Variants in FAM186A observed in about 807,000 individuals in gnomAD.
FAM186A encodes the protein family with sequence similarity 186 member A.
Under a neutral mutation model 216.8 loss-of-function variants are expected in FAM186A, and 163 were observed. The ratio of observed to expected loss-of-function variants is 0.75; its 90% confidence interval spans 0.66 to 0.86. The LOEUF (loss-of-function observed/expected upper bound fraction) is 0.86, where lower values mean the gene tolerates loss of function less well. FAM186A is among the 40% of genes least tolerant of loss of function. The pLI, the probability that FAM186A is intolerant of heterozygous loss-of-function variation, is 0.00. For synonymous variants in FAM186A, 805 were observed against 1,025.3 expected, an observed-to-expected ratio of 0.79 and a Z score of 4.10; for missense variants, 2,184 against 2,746.2, an observed-to-expected ratio of 0.80 and a Z score of 4.58.
intron 4 of FAM186A, among the ~76,000 whole-genome samples, chr12:50,336,932 T>G (rs1942714422): frequency 6.6e-6 from 1 of 151,842 alleles, no homozygotes; most frequent in Non-Finnish European, 1.5e-5. Context: ...TCAGTGAGAT[T>G]TACCTGAGAT....
chr12:50,328,838 G>A lies in FAM186A; in HGVS notation c.7035-1434C>T, dbSNP rs186990320. On this transcript the variant is annotated intron_variant, in intron 7 of 7. Transcript: ENST00000327337. ...GTAGGTTTTAAAACATGTCCAGGCC[G>A]GGCACGGTGGCTCACGCCTGTAATC... Among the ~76,000 whole-genome samples, 298 of 152,302 alleles carry A rather than the reference G, an allele frequency of 2.0e-3. 1 individual carries two copies. The highest frequency in any genetic ancestry group is 6.4e-3 in the African/African-American group (268 of 41,580).
intron 1 of FAM186A, among the ~76,000 whole-genome samples, chr12:50,385,762 C>A (rs1006200632): frequency 6.6e-6 from 1 of 151,716 alleles, no homozygotes. Flanking sequence ...CTTAGCCAGG[C>A]GTGGTGGCAG....
In FAM186A at chr12:50,337,289, C is replaced by CTT. The variant is rs71441358; in HGVS notation, c.6504-3188_6504-3187dup. ...GTTGGATGTAGTTTTAGAGATAATT[C>CTT]TTTTTTTTTTTTTTTTTTTTTTTTA... On this transcript the variant is annotated intron_variant, in intron 4 of 7. Coordinates refer to ENST00000327337, the MANE Select transcript of FAM186A (RefSeq NM_001145475.3). Among the ~76,000 whole-genome samples the CTT allele has an allele frequency of 8.4e-3, 582 of 69,632 alleles. 39 individuals are homozygous for CTT. The highest frequency in any genetic ancestry group is 0.022 in the African/African-American group (363 of 16,594). 45.7% of individuals were successfully genotyped at this position (69,632 alleles called of 152,430 possible).
At chr12:50,358,301 C>T (rs970812877) in intron 3 of FAM186A, among the ~76,000 whole-genome samples, 1 of 152,076 alleles carries the variant, frequency 6.6e-6, no homozygotes, top group African/African-American at 2.4e-5. Context: ...TTATATCCAG[C>T]GAGGTGTGGT....
At chr12:50,343,826 G>T (rs1264384817) in intron 4 of FAM186A, among the ~76,000 whole-genome samples, 1 of 151,896 alleles carries the variant, frequency 6.6e-6, no homozygotes, top group Non-Finnish European at 1.5e-5. Flanking sequence ...CACTGTGTTA[G>T]CCAGGATAGT....
intron 1 of FAM186A, among the ~76,000 whole-genome samples, chr12:50,394,732 C>CTTTTTTTTTTTTTT (rs71083561): frequency 0.077 from 2,260 of 29,396 alleles, 452 homozygotes; most frequent in East Asian, 0.087. Flanking sequence ...GGCTAACACT[C>CTTTTTTTTTTTTTT]TTTTTTTTTT....
intron 4 of FAM186A, among the ~76,000 whole-genome samples, chr12:50,339,232 G>A (rs998922357): frequency 4.6e-5 from 7 of 152,122 alleles, no homozygotes; most frequent in African/African-American, 1.4e-4. Flanking sequence ...GCCCAGGCTG[G>A]TCTTGAACTC....
At chr12:50,338,620 G>T (rs1314852678) in intron 4 of FAM186A, among the ~76,000 whole-genome samples, 1 of 152,148 alleles carries the variant, frequency 6.6e-6, no homozygotes, top group Non-Finnish European at 1.5e-5. Context: ...ATGTTTAAGA[G>T]AAAGCATGAT....
chr12:50,334,174 T>TC (rs1942684894), intron 4 of FAM186A, 71 bp from the exon 5 acceptor site: 16 of 1,300,048 alleles, frequency 1.2e-5, no homozygotes, highest in Non-Finnish European at 1.4e-5. Context: ...GTCCTCAGTT[T>TC]CTTTTTTTTT....
rs1022888497 is a variant in FAM186A, at chr12:50,386,495, C to G, written c.192+9798G>C. On this transcript the variant is annotated intron_variant, in intron 1 of 7. Coordinates refer to ENST00000327337, the MANE Select transcript of FAM186A (RefSeq NM_001145475.3). Reference sequence around the variant, plus strand: ...GCATGCATTAAGTAGTTGGATCTAGCCATTCCGCAATGTATAAATATATCA... The same window carrying G: ...GCATGCATTAAGTAGTTGGATCTAGGCATTCCGCAATGTATAAATATATCA... 2.0e-5 allele frequency among the ~76,000 whole-genome samples: 3 copies of G among 152,070 alleles called. No individual in the cohort carries two copies. In the South Asian group the frequency reaches 6.2e-4, roughly 32 times the overall value.
chr12:50,355,623 G>A lies in FAM186A; in HGVS notation c.1209C>T (p.Ser403=). 6.4e-7 allele frequency: 1 copy of A among 1,551,524 alleles called. No individual in the cohort carries two copies. ...ETKDSGIKWD[S]TISYTAQAER... is the part of the protein sequence containing the mutation. ...CAGCTTGGGCTGTATATGAAATAGT[G>A]GAGTCCCATTTTATCCCAGAGTCCT... The change falls in exon 4 of 8, where the codon TCC becomes TCT. Residue 403 remains serine (S), a synonymous_variant. Coordinates refer to ENST00000327337, the MANE Select transcript of FAM186A (RefSeq NM_001145475.3).
chr12:50,385,375 G>T (rs1224641778), intron 1 of FAM186A, among the ~76,000 whole-genome samples: 1 of 141,388 alleles, frequency 7.1e-6, no homozygotes, highest in African/African-American at 2.7e-5. Flanking sequence ...CTGAGATTAC[G>T]CCATAGCACT....
In FAM186A at chr12:50,351,463, C is replaced by T. The variant is rs908163108; in HGVS notation, c.5369G>A (p.Gly1790Glu). The change falls in exon 4 of 8, where the codon GGG becomes GAG. Residue 1790 changes from glycine (G) to glutamate (E), a missense_variant. By Grantham distance (98) the Gly-to-Glu change is moderately conservative. Transcript: ENST00000327337. ...AGAGGAACGAAGAGTCTGTGGTGCC[C>T]CAAGCTTCCCAGGCTCAGAAAGAAT... is the stretch of plus-strand genomic sequence containing the variant. ...MGILSEPGKLGAPQTLRSSGQ... is the reference protein window; with the variant it reads ...MGILSEPGKLEAPQTLRSSGQ... The T allele has an allele frequency of 6.8e-7, 1 of 1,476,626 alleles. No individual in the cohort carries two copies. The highest frequency in any genetic ancestry group is 9.0e-7 in the Non-Finnish European group (1 of 1,115,616). 91.5% of individuals were successfully genotyped at this position (1,476,626 alleles called of 1,614,324 possible).
intron 4 of FAM186A, among the ~76,000 whole-genome samples, chr12:50,348,442 C>T (rs1321774050): frequency 6.6e-5 from 10 of 150,942 alleles, no homozygotes; most frequent in African/African-American, 2.2e-4. Context: ...AGGGTGGTCT[C>T]GAACTCCTGA....
chr12:50,333,877 AC>A, intron 5 of FAM186A, 33 bp downstream of exon 5: 2 of 1,517,150 alleles, frequency 1.3e-6, no homozygotes, highest in Non-Finnish European at 1.8e-6. Flanking sequence ...TGTTTTTACA[AC>A]ATGCTGGACA....
At chr12:50,383,295 A>AG (rs1463849498) in intron 1 of FAM186A, among the ~76,000 whole-genome samples, 2 of 134,360 alleles carry the variant, frequency 1.5e-5, no homozygotes, top group South Asian at 2.8e-4. Context: ...AGAGAGAGAG[A>AG]AAGAAAAGAA....
intron 4 of FAM186A, among the ~76,000 whole-genome samples, chr12:50,344,075 A>G (rs1177327572): frequency 1.3e-5 from 2 of 150,660 alleles, no homozygotes; most frequent in African/African-American, 2.4e-5. Flanking sequence ...TTTTTTTCAA[A>G]TTGAATTTGG....
At chr12:50,335,091 G>A (rs1056908028) in intron 4 of FAM186A, among the ~76,000 whole-genome samples, 8 of 151,700 alleles carry the variant, frequency 5.3e-5, no homozygotes, top group Non-Finnish European at 1.0e-4. Flanking sequence ...GTAAGACTCC[G>A]TCTCTGCAAA....
chr12:50,382,838 A>G (rs1943265573), intron 1 of FAM186A, among the ~76,000 whole-genome samples: 1 of 152,162 alleles, frequency 6.6e-6, no homozygotes, highest in Non-Finnish European at 1.5e-5. Flanking sequence ...CTTGAAGGAG[A>G]TGAGGACAGG....
Sources: gnomAD v4.1 joint callset for allele counts (sites outside exome capture counted in the v4.1 genomes callset) on GRCh38, gnomAD v4.1.1 for gene constraint, MANE v1.5 for transcripts, NCBI Gene and HGNC (gene_info 2026-07-23, HGNC 2026-07-21) for gene names.